Variants in AGBL1 observed in about 807,000 individuals in gnomAD.
AGBL1 encodes the protein cytosolic carboxypeptidase 4.
Under a neutral mutation model 118.9 loss-of-function variants are expected in AGBL1, and 130 were observed. That is an observed-to-expected ratio of 1.09 (90% confidence interval 0.95 to 1.26). The LOEUF (loss-of-function observed/expected upper bound fraction) is 1.26. Ranked by LOEUF, AGBL1 falls within the 50% of genes most tolerant of loss-of-function variation. The probability of loss-of-function intolerance (pLI) is 0.00; values close to 1 mark genes in which losing one functional copy is unlikely to be tolerated. For missense variants in AGBL1, 1,584 were observed against 1,298.1 expected (o/e 1.22, Z -3.38); for synonymous variants, 555 against 478.9 (o/e 1.16, Z -2.08).
At chr15:86,300,622 A>C (rs2079730243) in intron 17 of AGBL1, among the ~76,000 whole-genome samples, 1 of 152,142 alleles carries the variant, frequency 6.6e-6, no homozygotes, top group Non-Finnish European at 1.5e-5. Flanking sequence ...ATTATAATCT[A>C]AAACAGCAAA....
intron 1 of AGBL1, among the ~76,000 whole-genome samples, chr15:86,116,948 T>A (rs1339948616): frequency 6.9e-6 from 1 of 144,638 alleles, no homozygotes; most frequent in African/African-American, 2.6e-5. Context: ...TTTCTTTTCT[T>A]TTCTTTTTTT....
chr15:86,884,906 C>T (rs934992202), intron 22 of AGBL1, among the ~76,000 whole-genome samples: 5 of 152,148 alleles, frequency 3.3e-5, no homozygotes, highest in Admixed American at 6.5e-5. Flanking sequence ...CTCTCGGATA[C>T]GGAAGATGTG....
chr15:86,821,672 A>G (rs778128870), intron 22 of AGBL1, among the ~76,000 whole-genome samples: 1 of 152,208 alleles, frequency 6.6e-6, no homozygotes, highest in Non-Finnish European at 1.5e-5. Flanking sequence ...TGTCATCAGC[A>G]TAAATGATAA....
intron 21 of AGBL1, among the ~76,000 whole-genome samples, chr15:86,575,882 C>T (rs150128205): frequency 1.7e-4 from 26 of 152,316 alleles, no homozygotes; most frequent in African/African-American, 6.0e-4. Context: ...CGTCTTGAGC[C>T]ACCATGATGG....
At chr15:86,469,251 C>T (rs1296365116) in intron 18 of AGBL1, among the ~76,000 whole-genome samples, 1 of 152,176 alleles carries the variant, frequency 6.6e-6, no homozygotes, top group East Asian at 1.9e-4. Context: ...TTCCAATTCC[C>T]TCAGCCTCTG....
At chr15:86,685,053 T>C (rs964051298) in intron 22 of AGBL1, among the ~76,000 whole-genome samples, 1 of 151,862 alleles carries the variant, frequency 6.6e-6, no homozygotes, top group Non-Finnish European at 1.5e-5. Context: ...AACAAAGAGG[T>C]ATGTTTAGAA....
In AGBL1 at chr15:86,911,478, A is replaced by G. The variant is rs1384759586; in HGVS notation, c.*4184A>G. 1 of 152,104 alleles carries G rather than the reference A, an allele frequency of 6.6e-6. No individual in the cohort carries two copies. The highest frequency in any genetic ancestry group is 2.4e-5 in the African/African-American group (1 of 41,354). 9.4% of individuals were successfully genotyped at this position (152,104 alleles called of 1,614,324 possible). A position where few individuals can be genotyped will look rare whatever the true frequency, so the allele number is the denominator to read the frequency against. ...TTCAGAAGGAAGTCTAAATGTCTCAACAGATCCCTTTATAGCCTGGCCCCA... is the reference window on the plus strand; with the variant it reads ...TTCAGAAGGAAGTCTAAATGTCTCAGCAGATCCCTTTATAGCCTGGCCCCA... On this transcript the variant is annotated 3_prime_UTR_variant, in exon 23 of 23. Transcript: ENST00000614907.
intron 24 of AGBL1, among the ~76,000 whole-genome samples, chr15:87,004,314 GGA>G (rs879406513): frequency 0.099 from 15,031 of 152,018 alleles, 1,324 homozygotes; most frequent in African/African-American, 0.23. Flanking sequence ...AATTATAGTG[GGA>G]GAGTTTAAGT....
rs28670592 is a variant in AGBL1 at position 86,750,551 on chromosome 15, C to A, written c.3158+76115C>A. 5.5e-3 allele frequency among the ~76,000 whole-genome samples: 833 copies of A among 151,978 alleles called. 10 individuals carry two copies. The highest frequency in any genetic ancestry group is 0.019 in the African/African-American group (795 of 41,538). On this transcript the variant is annotated intron_variant, in intron 22 of 22. Coordinates refer to ENST00000614907, the MANE Select transcript of AGBL1 (RefSeq NM_001386094.1). ...GAAAAACAATCCTGGCAGGAACATT[C>A]ATTGGCATTTTCCTTCTAGTGTAAC...
At chr15:86,717,800 C>T (rs773176387) in intron 22 of AGBL1, among the ~76,000 whole-genome samples, 1 of 152,146 alleles carries the variant, frequency 6.6e-6, no homozygotes, top group African/African-American at 2.4e-5. Context: ...CCAATTCAGG[C>T]CGGGCATGGT....
At chr15:86,227,476 C>A (rs1274736281) in intron 6 of AGBL1, among the ~76,000 whole-genome samples, 1 of 152,222 alleles carries the variant, frequency 6.6e-6, no homozygotes, top group Non-Finnish European at 1.5e-5. Context: ...CTGTGCATTG[C>A]AGGATATACA....
At chr15:87,024,691 C>T (rs139912595) in intron 24 of AGBL1, among the ~76,000 whole-genome samples, 77 of 151,948 alleles carry the variant, frequency 5.1e-4, no homozygotes, top group African/African-American at 1.8e-3. Flanking sequence ...AAAAAGAAAA[C>T]TACAGACCAA....
At chr15:86,324,504 C>CGGCATTCATTCATTAGTTTATAT (rs1017946163) in intron 17 of AGBL1, among the ~76,000 whole-genome samples, 1 of 150,754 alleles carries the variant, frequency 6.6e-6, no homozygotes, top group African/African-American at 2.5e-5. Flanking sequence ...TTAGTTTATA[C>CGGCATTCATTCATTAGTTTATAT]GGCATTCATT....
chr15:86,342,743 T>G (rs2080480193), intron 17 of AGBL1, among the ~76,000 whole-genome samples: 1 of 152,190 alleles, frequency 6.6e-6, no homozygotes, highest in Admixed American at 6.5e-5. Flanking sequence ...TTTGTTATGA[T>G]GATTAAATGA....
chr15:86,168,392 A>C (rs550707160), intron 5 of AGBL1, among the ~76,000 whole-genome samples: 3 of 152,320 alleles, frequency 2.0e-5, no homozygotes, highest in African/African-American at 7.2e-5. Flanking sequence ...AAGACAAAAA[A>C]GCATGAAAAC....
chr15:86,331,209 G>C (rs1047184815), intron 17 of AGBL1, among the ~76,000 whole-genome samples: 2 of 136,130 alleles, frequency 1.5e-5, no homozygotes, highest in Non-Finnish European at 3.1e-5. Context: ...GGGTGACAGA[G>C]TGAGACTCCA....
intron 17 of AGBL1, among the ~76,000 whole-genome samples, chr15:86,317,394 T>G (rs1339483229): frequency 6.6e-6 from 1 of 152,102 alleles, no homozygotes; most frequent in Non-Finnish European, 1.5e-5. Context: ...GAGAGATAAA[T>G]AAAGAAGCAA....
chr15:86,658,173 G>A (rs1195245153), intron 21 of AGBL1, among the ~76,000 whole-genome samples: 1 of 152,010 alleles, frequency 6.6e-6, no homozygotes, highest in East Asian at 1.9e-4. Context: ...TATTCTCGTA[G>A]CATCCTGTAG....
intron 4 of AGBL1, among the ~76,000 whole-genome samples, chr15:86,157,028 G>A (rs540645318): frequency 6.6e-6 from 1 of 151,944 alleles, no homozygotes; most frequent in Non-Finnish European, 1.5e-5. Context: ...GACCTCAGGT[G>A]ATCCACCCAC....
Sources: allele counts gnomAD v4.1 joint callset (sites outside exome capture counted in the v4.1 genomes callset), GRCh38; gene constraint gnomAD v4.1.1; transcripts MANE v1.5; gene names NCBI Gene and HGNC (gene_info 2026-07-23, HGNC 2026-07-21).